BACH1: variants seen among roughly 807,000 people sequenced by gnomAD.
BACH1 encodes transcription regulator protein BACH1.
Under a neutral mutation model 52.9 loss-of-function variants are expected in BACH1, and 35 were observed. That is an observed-to-expected ratio of 0.66 (90% CI 0.51 to 0.88). BACH1 has a LOEUF of 0.88. Ranked by LOEUF, BACH1 falls within the 40% of genes least tolerant of loss-of-function variation. The pLI is 0.00. For missense variants in BACH1, 808 were observed against 872.6 expected (o/e 0.93, Z 0.93); for synonymous variants, 321 against 319.6 (o/e 1.00, Z -0.05).
chr21:29,329,834 C>A, intron 4 of BACH1, 141 bp downstream of exon 4: 4 of 648,552 alleles, frequency 6.2e-6, no homozygotes, highest in Non-Finnish European at 9.6e-6. Flanking sequence ...ATCATTTTTA[C>A]CATGATATGC....
intron 4 of BACH1, among the ~76,000 whole-genome samples, chr21:29,337,836 G>A (rs1028408148): frequency 1.6e-4 from 24 of 152,144 alleles, no homozygotes; most frequent in African/African-American, 5.8e-4. Flanking sequence ...GGCTGAGGCA[G>A]GAGAATCGCT....
chr21:29,312,314 T>C (rs891919489), intron 1 of BACH1, among the ~76,000 whole-genome samples: 17 of 152,194 alleles, frequency 1.1e-4, no homozygotes, highest in African/African-American at 3.9e-4. Context: ...CATTAGTTGC[T>C]CATCTTAGAA....
chr21:29,342,621 C>T lies in BACH1; in HGVS notation c.1999C>T (p.Pro667Ser), dbSNP rs368545871. The T allele has an allele frequency of 2.5e-6, 4 of 1,614,054 alleles. No individual in the cohort carries two copies. Among genetic ancestry groups the T allele is most frequent in the Non-Finnish European group, 3.4e-6 (4 of 1,180,040 alleles). Residue 667 changes from proline (P) to serine (S), a missense_variant, in exon 5 of 5, where the codon CCA becomes TCA. Physicochemically the swap from Pro to Ser is moderately conservative, Grantham distance 74 (BLOSUM62 -1). Transcript: ENST00000286800. The part of the protein sequence containing the change: ...KSTPDGELAL[P>S]SIFSLSDRPP... The stretch of plus-strand genomic sequence containing the variant: ...TACTCCTGATGGTGAACTGGCGTTA[C>T]CATCAATTTTCAGTTTATCTGACCG...
chr21:29,303,081 A>G (rs2088620706), intron 1 of BACH1, among the ~76,000 whole-genome samples: 1 of 152,216 alleles, frequency 6.6e-6, no homozygotes. Context: ...CCAGAACAGA[A>G]CTAGTTTCTC....
chr21:29,352,437 T>C (rs2089208392), intron 2 of BACH1: 1 of 152,196 alleles, frequency 6.6e-6, no homozygotes, highest in Admixed American at 6.5e-5. Context: ...AGATAGAATT[T>C]CCTTATATGT....
intron 1 of BACH1, 77 bp from the exon 2 acceptor site, chr21:29,321,144 G>A (rs1209896199): frequency 8.2e-6 from 6 of 727,644 alleles, no homozygotes; most frequent in Admixed American, 2.7e-5. Flanking sequence ...TAATGAGTAT[G>A]TATCTTAGCC....
chr21:29,303,783 C>A (rs1439125769), intron 1 of BACH1, among the ~76,000 whole-genome samples: 1 of 152,098 alleles, frequency 6.6e-6, no homozygotes, highest in Non-Finnish European at 1.5e-5. Context: ...AGAACAGGTT[C>A]TTTGTTTTAT....
At chr21:29,321,585 A>G (rs2088848909) in intron 2 of BACH1, 71 bp downstream of exon 2, 2 of 1,383,752 alleles carry the variant, frequency 1.4e-6, no homozygotes, top group Non-Finnish European at 2.0e-6. Flanking sequence ...TAATGTTGAA[A>G]ATAAAGCACA....
chr21:29,350,621 C>T (rs2089196869), downstream of BACH1, among the ~76,000 whole-genome samples: 1 of 152,176 alleles, frequency 6.6e-6, no homozygotes, highest in South Asian at 2.1e-4. Context: ...GCTAGTGGTG[C>T]TATTTGGAGA....
intron 2 of BACH1, among the ~76,000 whole-genome samples, chr21:29,325,057 G>A (rs186603792): frequency 2.0e-5 from 3 of 152,130 alleles, no homozygotes; most frequent in African/African-American, 4.8e-5. Context: ...TGAAACCCCC[G>A]TCTCTACTAA....
At chr21:29,335,549 C>A (rs539974352) in intron 4 of BACH1, among the ~76,000 whole-genome samples, 1 of 152,282 alleles carries the variant, frequency 6.6e-6, no homozygotes, top group Admixed American at 6.5e-5. Context: ...CAGCACCCCC[C>A]ACCCCATTCT....
At chr21:29,320,447 CA>C (rs1283748268) in intron 1 of BACH1, among the ~76,000 whole-genome samples, 1 of 151,828 alleles carries the variant, frequency 6.6e-6, no homozygotes, top group African/African-American at 2.4e-5. Context: ...TGTATGTGAT[CA>C]AAAAATATTT....
At chr21:29,301,933 A>G (rs746468162) in intron 1 of BACH1, among the ~76,000 whole-genome samples, 9 of 152,126 alleles carry the variant, frequency 5.9e-5, no homozygotes, top group Non-Finnish European at 1.2e-4. Flanking sequence ...AGTATTTACC[A>G]TTCAGTTAAA....
At chr21:29,349,719 T>A (rs1201657697), downstream of BACH1, among the ~76,000 whole-genome samples, 2 of 152,176 alleles carry the variant, frequency 1.3e-5, no homozygotes, top group African/African-American at 4.8e-5. Flanking sequence ...CTGAGTACCT[T>A]CCACAGCCTT....
rs912253593 is a variant in BACH1 at position 29,343,159 on chromosome 21, C to T, written c.*326C>T. On this transcript the variant is annotated 3_prime_UTR_variant, in exon 5 of 5. Coordinates refer to ENST00000286800, the MANE Select transcript of BACH1 (RefSeq NM_001186.4). ...AGAATGAAAACTGCAGCATATCAGA[C>T]AGCAATTTAACAGCTTGAAACATCT... 1 of 179,096 alleles carries T rather than the reference C, an allele frequency of 5.6e-6. No homozygotes were observed. The highest frequency in any genetic ancestry group is 5.5e-5 in the Admixed American group (1 of 18,200). The allele number at this position is 179,096 out of a possible 1,614,324, so 11.1% of individuals were successfully genotyped here.
chr21:29,321,367 G>A lies in BACH1; in HGVS notation c.87G>A (p.Lys29=). The A allele has an allele frequency of 6.2e-7, 1 of 1,614,204 alleles. No individual in the cohort carries two copies. Residue 29 remains lysine (K), a synonymous_variant, in exon 2 of 5, where the codon AAG becomes AAA. Transcript: ENST00000286800. ...NVLLSLNDQR[K]KDVLCDVTIF... ...TACTCAGCCTTAATGACCAGCGGAAGAAAGATGTGCTGTGCGATGTCACCA... is the reference window on the plus strand; with the variant it reads ...TACTCAGCCTTAATGACCAGCGGAAAAAAGATGTGCTGTGCGATGTCACCA...
At position 29,336,464 on chromosome 21, in the gene BACH1, AGTTATCTATGATGT is replaced by A. The variant is rs1569020241; in HGVS notation, c.1777-5930_1777-5917del. 3.4e-3 allele frequency among the ~76,000 whole-genome samples: 523 copies of A among 152,298 alleles called. 7 individuals carry two copies. Among genetic ancestry groups the A allele is most frequent in the African/African-American group, 0.012 (489 of 41,562 alleles). On this transcript the variant is annotated intron_variant, in intron 4 of 4. Transcript: ENST00000286800. ...AATATTTTTTCAACCTGTGTTGCTT[AGTTATCTATGATGT>A]GTTACTTGGGCACTTTATAATTATC...
At chr21:29,307,834 G>C (rs2088676669) in intron 1 of BACH1, among the ~76,000 whole-genome samples, 1 of 152,146 alleles carries the variant, frequency 6.6e-6, no homozygotes, top group South Asian at 2.1e-4. Flanking sequence ...GCAGGTCTGG[G>C]TGCTTTCTGT....
intron 1 of BACH1, among the ~76,000 whole-genome samples, chr21:29,305,803 A>G (rs947819495): frequency 2.6e-5 from 4 of 152,296 alleles, no homozygotes; most frequent in Admixed American, 6.5e-5. Context: ...ATTCATGTCA[A>G]TATTTGTGGC....
Sources: gnomAD v4.1 joint callset for allele counts (sites outside exome capture counted in the v4.1 genomes callset) on GRCh38, gnomAD v4.1.1 for gene constraint, MANE v1.5 for transcripts, NCBI Gene and HGNC (gene_info 2026-07-23, HGNC 2026-07-21) for gene names.